PCDHA10: variants seen among roughly 807,000 people sequenced by gnomAD.
PCDHA10 encodes protocadherin alpha 10.
Under a neutral mutation model 61.2 loss-of-function variants are expected in PCDHA10, and 45 were observed. The ratio of observed to expected loss-of-function variants is 0.74; its 90% CI spans 0.58 to 0.94. The LOEUF (loss-of-function observed/expected upper bound fraction) is 0.94, where lower values mean the gene tolerates loss of function less well. Ranked by LOEUF, PCDHA10 falls within the 40% of genes least tolerant of loss-of-function variation. The pLI is 0.00. For missense variants in PCDHA10, 1,278 were observed against 1,236.2 expected, an observed-to-expected ratio of 1.03 and a Z score of -0.51; for synonymous variants, 602 against 548.8, an observed-to-expected ratio of 1.10 and a Z score of -1.35.
chr5:140,988,247 TC>T (rs2097289620), intron 3 of PCDHA10, among the ~76,000 whole-genome samples: 1 of 152,148 alleles, frequency 6.6e-6, no homozygotes, highest in Admixed American at 6.5e-5. Context: ...GTGGGGCAGC[TC>T]CCGCCTGTGA....
chr5:140,904,499 A>G (rs1554191555), intron 1 of PCDHA10, among the ~76,000 whole-genome samples: 1 of 151,770 alleles, frequency 6.6e-6, no homozygotes, highest in Non-Finnish European at 1.5e-5. Flanking sequence ...AATTTTTACA[A>G]TTGTGAATTG....
chr5:140,985,018 A>G (rs1384418667), intron 3 of PCDHA10, among the ~76,000 whole-genome samples: 2 of 152,026 alleles, frequency 1.3e-5, no homozygotes, highest in Non-Finnish European at 2.9e-5. Flanking sequence ...GCTCACAGCA[A>G]CCTCTGCCTC....
chr5:140,952,841 C>T (rs2094805193), intron 1 of PCDHA10, among the ~76,000 whole-genome samples: 1 of 152,102 alleles, frequency 6.6e-6, no homozygotes, highest in South Asian at 2.1e-4. Context: ...TGGCCATCTG[C>T]TTGTCTTCTG....
intron 1 of PCDHA10, chr5:140,883,975 G>A (rs1167945773): frequency 1.2e-6 from 2 of 1,612,842 alleles, no homozygotes; most frequent in African/African-American, 2.7e-5. Flanking sequence ...TGACGCCCGG[G>A]GCTGGCAGCG....
chr5:140,883,841 C>T (rs2059844881), intron 1 of PCDHA10: 1 of 1,612,742 alleles, frequency 6.2e-7, no homozygotes, highest in Non-Finnish European at 8.5e-7. Context: ...GCCGTTGGAC[C>T]ACGAGGAGCT....
Position 140,915,075 on chromosome 5 carries a change from A to T in PCDHA10, c.2388+56639A>T, listed in dbSNP as rs111889109. ...ATTCTCCTGCCTTAGCCTACTGAGTAGCTGGGACTATGGGCACGCACCACC... is the reference window on the plus strand; with the variant it reads ...ATTCTCCTGCCTTAGCCTACTGAGTTGCTGGGACTATGGGCACGCACCACC... On this transcript the variant is annotated intron_variant, in intron 1 of 3. Transcript: ENST00000307360. 7.1e-3 allele frequency among the ~76,000 whole-genome samples: 1,070 copies of T among 151,432 alleles called. 10 individuals are homozygous for T. The highest frequency in any genetic ancestry group is 0.025 in the African/African-American group (1,035 of 41,220).
intron 2 of PCDHA10, among the ~76,000 whole-genome samples, chr5:140,979,752 G>A (rs1048851264): frequency 4.6e-5 from 7 of 152,138 alleles, no homozygotes; most frequent in South Asian, 2.1e-4. Context: ...CATTATTTGC[G>A]AATGTCTTTG....
At chr5:140,994,188 G>T (rs1156320589) in intron 3 of PCDHA10, among the ~76,000 whole-genome samples, 1 of 152,080 alleles carries the variant, frequency 6.6e-6, no homozygotes, top group Non-Finnish European at 1.5e-5. Flanking sequence ...AAACCACCAG[G>T]GCCTGTTGGT....
chr5:140,989,197 C>T (rs2097332742), intron 3 of PCDHA10, among the ~76,000 whole-genome samples: 1 of 152,206 alleles, frequency 6.6e-6, no homozygotes, highest in Admixed American at 6.5e-5. Context: ...ACCCTCCCTT[C>T]TAGCTTTCTT....
chr5:140,882,261 AGTGTACCATGCT>A (rs1554173264), intron 1 of PCDHA10: 1 of 1,604,356 alleles, frequency 6.2e-7, no homozygotes, highest in Non-Finnish European at 8.5e-7. Flanking sequence ...AGGTTTTTGG[AGTGTACCATGCT>A]GTCTTCCTGG....
At chr5:140,966,687 G>A in intron 1 of PCDHA10, 1 of 1,340,546 alleles carries the variant, frequency 7.5e-7, no homozygotes, top group East Asian at 2.9e-5. Flanking sequence ...ACGAGCGGAG[G>A]CGGGGCCCGG....
intron 1 of PCDHA10, chr5:140,968,130 T>C: frequency 6.2e-7 from 1 of 1,614,114 alleles, no homozygotes; most frequent in Non-Finnish European, 8.5e-7. Flanking sequence ...CTGCGTACAC[T>C]GAAGGTTGAG....
intron 1 of PCDHA10, among the ~76,000 whole-genome samples, chr5:140,885,442 T>A (rs2060596310): frequency 6.6e-6 from 1 of 152,180 alleles, no homozygotes; most frequent in African/African-American, 2.4e-5. Flanking sequence ...TGTGCAATTA[T>A]ATATTATTTA....
At chr5:140,876,928 A>C in intron 1 of PCDHA10, 1 of 1,613,812 alleles carries the variant, frequency 6.2e-7, no homozygotes, top group Non-Finnish European at 8.5e-7. Flanking sequence ...GGACGCGCAG[A>C]AGAACGCGCT....
chr5:140,855,950 C>T lies in PCDHA10; in HGVS notation c.-99C>T. 1 of 1,363,920 alleles carries T rather than the reference C, an allele frequency of 7.3e-7. No individual in the cohort carries two copies. Among genetic ancestry groups the T allele is most frequent in the Non-Finnish European group, 1.0e-6 (1 of 998,040 alleles). 84.5% of individuals were successfully genotyped at this position (1,363,920 alleles called of 1,614,324 possible). On this transcript the variant is annotated 5_prime_UTR_variant, in exon 1 of 4. Transcript: ENST00000307360. ...CGTCATTCTGAGATCTCAGCCATTTCGATAAAAAATAGATATAAGAAATAG... is the reference window on the plus strand; with the variant it reads ...CGTCATTCTGAGATCTCAGCCATTTTGATAAAAAATAGATATAAGAAATAG...
At chr5:141,001,276 T>C (rs2098003991) in intron 3 of PCDHA10, among the ~76,000 whole-genome samples, 1 of 152,210 alleles carries the variant, frequency 6.6e-6, no homozygotes. Context: ...GAACTTTTTT[T>C]ACGGATGAAA....
intron 1 of PCDHA10, chr5:140,861,361 T>C: frequency 2.8e-6 from 1 of 352,562 alleles, no homozygotes; most frequent in Admixed American, 3.2e-5. Flanking sequence ...CATAGCGTCT[T>C]CGCGGTCCCT....
At chr5:140,936,124 C>T (rs2090779585) in intron 1 of PCDHA10, among the ~76,000 whole-genome samples, 1 of 152,130 alleles carries the variant, frequency 6.6e-6, no homozygotes, top group African/African-American at 2.4e-5. Context: ...AACTCCTGAC[C>T]TTAAGTGATC....
Position 140,929,060 on chromosome 5 carries a change from A to G in PCDHA10, c.2389-49889A>G, listed in dbSNP as rs782222884. 3 of 1,614,188 alleles carry G rather than the reference A, an allele frequency of 1.9e-6. No individual in the cohort carries two copies. In the South Asian group the frequency reaches 3.3e-5, roughly 18 times the overall value. On this transcript the variant is annotated intron_variant, in intron 1 of 3. Transcript: ENST00000307360. ...GCTCAGAGCTGCTGTCGCTCTACAGAGGATCTGAGGTATGGAAGTAAGATG... is the reference window on the plus strand; with the variant it reads ...GCTCAGAGCTGCTGTCGCTCTACAGGGGATCTGAGGTATGGAAGTAAGATG...
Sources: gnomAD v4.1 joint callset for allele counts (sites outside exome capture counted in the v4.1 genomes callset) on GRCh38, gnomAD v4.1.1 for gene constraint, MANE v1.5 for transcripts, NCBI Gene and HGNC (gene_info 2026-07-23, HGNC 2026-07-21) for gene names.